The following GPR158 variants were observed in gnomAD, a reference collection of about 807,000 sequenced individuals.
GPR158 encodes the protein G protein-coupled receptor 158, also known as metabotropic glycine receptor.
A neutral mutation model predicts 78.2 loss-of-function variants in GPR158; 30 were observed. That is an observed-to-expected ratio of 0.38 (90% CI 0.29 to 0.52). The LOEUF (loss-of-function observed/expected upper bound fraction) is 0.52. GPR158 is among the 20% of genes least tolerant of loss of function. The pLI, the probability that GPR158 is intolerant of heterozygous loss-of-function variation, is 0.83. For missense variants in GPR158, 1,463 were observed against 1,523.5 expected, an observed-to-expected ratio of 0.96 and a Z score of 0.66; for synonymous variants, 581 against 591.1, an observed-to-expected ratio of 0.98 and a Z score of 0.25.
intron 6 of GPR158, among the ~76,000 whole-genome samples, chr10:25,567,126 T>C (rs1297792104): frequency 6.6e-6 from 1 of 152,238 alleles, no homozygotes; most frequent in Non-Finnish European, 1.5e-5. Context: ...CTTGAGGATA[T>C]ATATTTTCAT....
At position 25,434,623 on chromosome 10, in the gene GPR158, C is replaced by T. The variant is rs556641206; in HGVS notation, c.1335+22150C>T. ...AATGATGTTGATACTTGTTTGCCCA[C>T]GAGAAGCTCACAATCTAATGGAGAA... On this transcript the variant is annotated intron_variant, in intron 4 of 10. Transcript: ENST00000376351. Among the ~76,000 whole-genome samples the T allele has an allele frequency of 3.3e-5, 5 of 152,094 alleles. 1 individual carries two copies. The highest frequency in any genetic ancestry group is 9.6e-5 in the African/African-American group (4 of 41,498).
intron 2 of GPR158, among the ~76,000 whole-genome samples, chr10:25,231,102 G>A (rs1052401705): frequency 6.6e-6 from 1 of 152,138 alleles, no homozygotes; most frequent in Non-Finnish European, 1.5e-5. Context: ...GCTTGCCAAA[G>A]GTGAGATTTT....
intron 1 of GPR158, among the ~76,000 whole-genome samples, chr10:25,183,843 G>A (rs980517143): frequency 6.6e-6 from 1 of 152,132 alleles, no homozygotes; most frequent in Non-Finnish European, 1.5e-5. Flanking sequence ...TTGACACATG[G>A]CTTTTATCTG....
At chr10:25,248,672 A>G (rs1055406436) in intron 2 of GPR158, among the ~76,000 whole-genome samples, 1 of 150,826 alleles carries the variant, frequency 6.6e-6, no homozygotes, top group Non-Finnish European at 1.5e-5. Flanking sequence ...CCATTGATCT[A>G]TATCTCTGTT....
chr10:25,421,365 G>A (rs1021858322), intron 4 of GPR158, among the ~76,000 whole-genome samples: 16 of 152,044 alleles, frequency 1.1e-4, no homozygotes, highest in African/African-American at 3.1e-4. Context: ...TATTTCCTGT[G>A]ATTTATGGGA....
intron 2 of GPR158, among the ~76,000 whole-genome samples, chr10:25,275,822 G>T (rs1254258244): frequency 6.6e-6 from 1 of 152,064 alleles, no homozygotes; most frequent in African/African-American, 2.4e-5. Flanking sequence ...AGGTTTTTTG[G>T]TTTGTTCAAG....
At chr10:25,420,706 A>G (rs1222788849) in intron 4 of GPR158, among the ~76,000 whole-genome samples, 2 of 152,174 alleles carry the variant, frequency 1.3e-5, no homozygotes, top group South Asian at 2.1e-4. Context: ...TCCCAACACC[A>G]TTTGTTGAAG....
At chr10:25,588,527 A>G (rs1837300049) in intron 7 of GPR158, among the ~76,000 whole-genome samples, 1 of 152,222 alleles carries the variant, frequency 6.6e-6, no homozygotes, top group African/African-American at 2.4e-5. Flanking sequence ...GTGTTCTCAC[A>G]TAGCTGGCAA....
At chr10:25,362,725 T>A (rs186197712) in intron 2 of GPR158, among the ~76,000 whole-genome samples, 6 of 152,046 alleles carry the variant, frequency 3.9e-5, no homozygotes, top group Admixed American at 3.9e-4. Context: ...TAGAATTTTC[T>A]TAACTTTTAA....
intron 5 of GPR158, among the ~76,000 whole-genome samples, chr10:25,473,231 A>G (rs1391549381): frequency 4.0e-5 from 6 of 150,198 alleles, no homozygotes; most frequent in Non-Finnish European, 7.4e-5. Flanking sequence ...TTTTGTCTTT[A>G]GTTCTGTTTA....
At chr10:25,550,009 C>A (rs987995229) in intron 5 of GPR158, among the ~76,000 whole-genome samples, 4 of 152,138 alleles carry the variant, frequency 2.6e-5, no homozygotes, top group Non-Finnish European at 5.9e-5. Flanking sequence ...AGTATTAATC[C>A]TTTAGCACTG....
chr10:25,378,129 A>G (rs2130560901), intron 2 of GPR158, among the ~76,000 whole-genome samples: 1 of 152,302 alleles, frequency 6.6e-6, no homozygotes, highest in South Asian at 2.1e-4. Flanking sequence ...GATGTCCAAA[A>G]TAAATGCAGA....
At chr10:25,442,821 T>G (rs986125521) in intron 4 of GPR158, among the ~76,000 whole-genome samples, 1 of 152,132 alleles carries the variant, frequency 6.6e-6, no homozygotes, top group Non-Finnish European at 1.5e-5. Flanking sequence ...TCCAAGATAC[T>G]GTCATTTCTT....
chr10:25,588,268 C>T (rs991524117), intron 7 of GPR158, among the ~76,000 whole-genome samples: 1 of 152,088 alleles, frequency 6.6e-6, no homozygotes, highest in African/African-American at 2.4e-5. Flanking sequence ...AAGTAAATTG[C>T]CTAAGATTAT....
chr10:25,318,449 G>T (rs1409585760), intron 2 of GPR158, among the ~76,000 whole-genome samples: 1 of 151,836 alleles, frequency 6.6e-6, no homozygotes, highest in Non-Finnish European at 1.5e-5. Flanking sequence ...GTGTTTCTGA[G>T]GGTGGCTGAG....
At chr10:25,295,793 G>A (rs910803487) in intron 2 of GPR158, among the ~76,000 whole-genome samples, 1 of 152,078 alleles carries the variant, frequency 6.6e-6, no homozygotes, top group Non-Finnish European at 1.5e-5. Context: ...TTCCTTAAAT[G>A]TGCCAAATTA....
intron 2 of GPR158, among the ~76,000 whole-genome samples, chr10:25,344,885 C>T (rs377306874): frequency 1.3e-5 from 2 of 151,880 alleles, no homozygotes; most frequent in East Asian, 1.9e-4. Flanking sequence ...CTGGTGAGGG[C>T]CTGCTTTTCA....
chr10:25,576,148 G>A (rs866833886), intron 7 of GPR158, among the ~76,000 whole-genome samples: 4 of 151,910 alleles, frequency 2.6e-5, no homozygotes, highest in Admixed American at 6.6e-5. Context: ...TATTGCACCT[G>A]TCACCCAAGG....
In GPR158 at chr10:25,476,561, A is replaced by G. The variant is rs1169114156; in HGVS notation, c.1404+9842A>G. Among the ~76,000 whole-genome samples the G allele has an allele frequency of 2.0e-5, 3 of 152,156 alleles. No homozygotes were observed. The East Asian group carries it at 5.8e-4, about 29-fold the overall frequency. ...ATTAGAACTAGAAGGGACACCATAT[A>G]CAACTCAGTCTTTCTCCAGCCTCTT... On this transcript the variant is annotated intron_variant, in intron 5 of 10. Coordinates refer to ENST00000376351, the MANE Select transcript of GPR158 (RefSeq NM_020752.3).
Sources: gnomAD v4.1 joint callset for allele counts (sites outside exome capture counted in the v4.1 genomes callset) on GRCh38, gnomAD v4.1.1 for gene constraint, MANE v1.5 for transcripts, NCBI Gene and HGNC (gene_info 2026-07-23, HGNC 2026-07-21) for gene names.